Variants in ZPLD1 observed in about 807,000 individuals in gnomAD.
ZPLD1 encodes zona pellucida like domain containing 1.
ZPLD1 carries 34 observed loss-of-function variants against 47.2 expected under a neutral mutation model. That is an observed-to-expected ratio of 0.72 (90% CI 0.55 to 0.96). The LOEUF (loss-of-function observed/expected upper bound fraction) is 0.96, where lower values mean the gene tolerates loss of function less well. ZPLD1 is among the 40% of genes least tolerant of loss of function. ZPLD1 has a pLI of 0.00. For synonymous variants in ZPLD1, 176 were observed against 186.2 expected, an observed-to-expected ratio of 0.95 and a Z score of 0.45; for missense variants, 512 against 505.8, an observed-to-expected ratio of 1.01 and a Z score of -0.12.
At position 102,477,821 on chromosome 3, in the gene ZPLD1, T is replaced by A. The variant is rs1461916929; in HGVS notation, c.*203T>A. 2.4e-6 allele frequency: 1 copy of A among 414,440 alleles called. No homozygotes were observed. Among genetic ancestry groups the A allele is most frequent in the Non-Finnish European group, 4.2e-6 (1 of 240,572 alleles). 25.7% of individuals were successfully genotyped at this position (414,440 alleles called of 1,614,324 possible). ...TCACTTATGTACGTGGCGAGCCGTA[T>A]TTTTATGCCACCAGTGAATATATTG... On this transcript the variant is annotated 3_prime_UTR_variant, in exon 12 of 12. Coordinates refer to ENST00000466937, the MANE Select transcript of ZPLD1 (RefSeq NM_001329788.2).
chr3:102,411,852 G>T, intron 7 of ZPLD1, among the ~76,000 whole-genome samples: 1 of 151,888 alleles, frequency 6.6e-6, no homozygotes, highest in East Asian at 1.9e-4. Context: ...AACCAATAGG[G>T]TATATCTCTG....
intron 7 of ZPLD1, among the ~76,000 whole-genome samples, chr3:102,411,626 C>T (rs1003825790): frequency 6.6e-6 from 1 of 151,546 alleles, no homozygotes; most frequent in Non-Finnish European, 1.5e-5. Flanking sequence ...ACGTGGGAGA[C>T]CAGATTTAGG....
At chr3:102,474,540 T>C (rs1438293933) in intron 10 of ZPLD1, among the ~76,000 whole-genome samples, 1 of 152,044 alleles carries the variant, frequency 6.6e-6, no homozygotes. Context: ...AGTAAAAAGG[T>C]CGGTGCTTAT....
At chr3:102,402,213 G>C (rs1156381381) in intron 7 of ZPLD1, among the ~76,000 whole-genome samples, 1 of 151,882 alleles carries the variant, frequency 6.6e-6, no homozygotes, top group Admixed American at 6.6e-5. Flanking sequence ...GTATTTTACT[G>C]CTCTTTTTTT....
chr3:102,388,788 A>G (rs990077062), intron 6 of ZPLD1, among the ~76,000 whole-genome samples: 2 of 152,200 alleles, frequency 1.3e-5, no homozygotes, highest in Admixed American at 1.3e-4. Context: ...TAAAAATATC[A>G]CAGTTAAAAA....
intron 5 of ZPLD1, among the ~76,000 whole-genome samples, chr3:102,457,448 T>C (rs1707436307): frequency 6.6e-6 from 1 of 152,220 alleles, no homozygotes; most frequent in Admixed American, 6.5e-5. Context: ...TTCCCTGATC[T>C]CATGAAACTT....
chr3:102,441,710 G>C (rs543041336), intron 3 of ZPLD1, among the ~76,000 whole-genome samples: 1 of 151,858 alleles, frequency 6.6e-6, no homozygotes, highest in Admixed American at 6.6e-5. Context: ...AAGAAACCTC[G>C]CCCTTATATA....
At chr3:102,417,777 A>AT (rs200829394) in intron 7 of ZPLD1, among the ~76,000 whole-genome samples, 16 of 151,644 alleles carry the variant, frequency 1.1e-4, no homozygotes, top group South Asian at 6.2e-4. Flanking sequence ...TTACTTTATG[A>AT]TTTTTTTTCC....
chr3:102,454,171 T>G (rs1023879543), intron 4 of ZPLD1, among the ~76,000 whole-genome samples: 20 of 152,190 alleles, frequency 1.3e-4, no homozygotes, highest in African/African-American at 4.8e-4. Flanking sequence ...TAGATTTCTT[T>G]GAATCTTGTT....
rs776510204 is a variant in ZPLD1 at position 102,477,040 on chromosome 3, T to G, written c.1071T>G (p.Leu357=). 3 of 1,613,670 alleles carry G rather than the reference T, an allele frequency of 1.9e-6. No homozygotes were observed. The highest frequency in any genetic ancestry group is 2.5e-6 in the Non-Finnish European group (3 of 1,179,654). Residue 357 remains leucine (L), a splice_region_variant and synonymous_variant, in exon 11 of 12, where the codon CTT becomes CTG. Transcript: ENST00000466937. ...AGACTCCAACCAACAATTCGCAACT[T>G]GGTAAGATAATTAACATATTTTGCA... is the stretch of plus-strand genomic sequence containing the variant. ...SDETPTNNSQ[L]GSPSMPPFQL...
chr3:102,451,800 G>A (rs1402854212), intron 3 of ZPLD1, among the ~76,000 whole-genome samples: 3 of 152,092 alleles, frequency 2.0e-5, no homozygotes, highest in African/African-American at 7.2e-5. Flanking sequence ...CCGTGTCTCT[G>A]TCTCTTCATT....
chr3:102,407,565 T>G (rs1244085970), intron 7 of ZPLD1, among the ~76,000 whole-genome samples: 2 of 150,500 alleles, frequency 1.3e-5, no homozygotes, highest in African/African-American at 4.9e-5. Flanking sequence ...CTCAAAAAAT[T>G]TCATTTCAAT....
chr3:102,443,801 G>C (rs552461471), intron 3 of ZPLD1, among the ~76,000 whole-genome samples: 6 of 152,262 alleles, frequency 3.9e-5, no homozygotes, highest in African/African-American at 1.4e-4. Context: ...AAGTAAGAGA[G>C]GTTAGTGGAA....
At position 102,452,917 on chromosome 3, in the gene ZPLD1, A is replaced by G; in HGVS notation, c.107-2A>G. On this transcript the variant is annotated splice_acceptor_variant, in intron 3 of 11. Coordinates refer to ENST00000466937, the MANE Select transcript of ZPLD1 (RefSeq NM_001329788.2). LOFTEE classifies it high-confidence loss of function. Reference sequence around the variant, plus strand: ...TTTGTTTTTTATATATTTTTATTTCAGCTGAAAGAGACATCAGTGTCTATT... The same window carrying G: ...TTTGTTTTTTATATATTTTTATTTCGGCTGAAAGAGACATCAGTGTCTATT... The G allele has an allele frequency of 6.2e-7, 1 of 1,611,366 alleles. No individual in the cohort carries two copies. Among genetic ancestry groups the G allele is most frequent in the Non-Finnish European group, 8.5e-7 (1 of 1,178,052 alleles).
At chr3:102,445,839 T>TA (rs1373930078) in intron 3 of ZPLD1, among the ~76,000 whole-genome samples, 10 of 152,318 alleles carry the variant, frequency 6.6e-5, no homozygotes, top group Non-Finnish European at 8.8e-5. Context: ...TGGGGTAAGA[T>TA]AACTAGTCAC....
intron 4 of ZPLD1, among the ~76,000 whole-genome samples, chr3:102,454,686 C>T (rs1707385788): frequency 6.6e-6 from 1 of 152,070 alleles, no homozygotes; most frequent in South Asian, 2.1e-4. Context: ...TGAAACCCCA[C>T]CTCTGCTAAA....
At chr3:102,440,731 GAAAAAAAAAA>G (rs77649810) in intron 3 of ZPLD1, among the ~76,000 whole-genome samples, 1 of 112,870 alleles carries the variant, frequency 8.9e-6, no homozygotes, top group African/African-American at 3.2e-5. Context: ...TTGTGATTGG[GAAAAAAAAAA>G]AAAAAAAAAG....
rs369907427 is a variant in ZPLD1, at chr3:102,476,937, T to G, written c.1043-75T>G. On this transcript the variant is annotated intron_variant, in intron 10 of 11. Transcript: ENST00000466937. ...AGGTAAAAATGTAGGTACAATGTAATTATTAATCAGAATAAACAAAGGTAA... is the reference window on the plus strand; with the variant it reads ...AGGTAAAAATGTAGGTACAATGTAAGTATTAATCAGAATAAACAAAGGTAA... 1.0e-3 allele frequency: 1,557 copies of G among 1,511,760 alleles called. 5 individuals carry two copies. Among genetic ancestry groups the G allele is most frequent in the Middle Eastern group, 3.0e-3 (16 of 5,286 alleles). 93.6% of individuals were successfully genotyped at this position (1,511,760 alleles called of 1,614,324 possible).
chr3:102,407,395 A>ATATATG (rs1706700922), intron 7 of ZPLD1, among the ~76,000 whole-genome samples: 2 of 23,406 alleles, frequency 8.5e-5, no homozygotes, highest in Admixed American at 6.6e-4. Context: ...ATTTTCAAAT[A>ATATATG]TATATATATA....
Sources: gnomAD v4.1 joint callset for allele counts (sites outside exome capture counted in the v4.1 genomes callset) on GRCh38, gnomAD v4.1.1 for gene constraint, MANE v1.5 for transcripts, NCBI Gene and HGNC (gene_info 2026-07-23, HGNC 2026-07-21) for gene names.